TJAP1: variants seen among roughly 807,000 people sequenced by gnomAD.
The protein encoded by TJAP1 is tight junction-associated protein 1.
Under a neutral mutation model 42.0 loss-of-function variants are expected in TJAP1, and 27 were observed. The ratio of observed to expected loss-of-function variants is 0.64; its 90% CI spans 0.47 to 0.89. The LOEUF is 0.89. TJAP1 is among the 40% of genes least tolerant of loss of function. The probability of loss-of-function intolerance (pLI) is 0.00; values close to 1 mark genes in which losing one functional copy is unlikely to be tolerated. For synonymous variants in TJAP1, 257 were observed against 288.4 expected (o/e 0.89, Z 1.10); for missense variants, 712 against 726.9 (o/e 0.98, Z 0.24).
chr6:43,479,858 T>G (rs1191197529), intron 2 of TJAP1, among the ~76,000 whole-genome samples: 3 of 152,144 alleles, frequency 2.0e-5, no homozygotes, highest in African/African-American at 7.2e-5. Flanking sequence ...TAGTCCCAGC[T>G]ACTCAGGAGG....
intron 2 of TJAP1, among the ~76,000 whole-genome samples, chr6:43,485,369 A>G (rs1483351664): frequency 6.6e-6 from 1 of 152,198 alleles, no homozygotes; most frequent in African/African-American, 2.4e-5. Context: ...ATCATGATCC[A>G]TTCTTTGCTT....
At position 43,501,752 on chromosome 6, in the gene TJAP1, ACACACACT is replaced by A. The variant is rs1189986245; in HGVS notation, c.290+67_290+74del. ...CACACACACACACACACACACACAC[ACACACACT>A]CTCTCTGTCTCTCTCTCTCTCTGTG... On this transcript the variant is annotated intron_variant, in intron 6 of 10. Coordinates refer to ENST00000372449, the Ensembl canonical transcript of TJAP1. 1.1e-3 allele frequency: 666 copies of A among 596,378 alleles called. 6 individuals carry two copies. In the African/African-American group the frequency reaches 0.013, roughly 12 times the overall value. 36.9% of individuals were successfully genotyped at this position (596,378 alleles called of 1,614,324 possible). A position where few individuals can be genotyped will look rare whatever the true frequency, so the allele number is the denominator to read the frequency against.
chr6:43,499,413 T>C (rs1790001727), intron 4 of TJAP1, among the ~76,000 whole-genome samples: 1 of 152,242 alleles, frequency 6.6e-6, no homozygotes, highest in Non-Finnish European at 1.5e-5. Flanking sequence ...CTGCTAGTGG[T>C]TGGGACTCTG....
At chr6:43,503,638 G>T in exon 10 of TJAP1, 1 of 1,614,140 alleles carries the variant, frequency 6.2e-7, no homozygotes, top group Non-Finnish European at 8.5e-7. Context: ...GTACCGGCTG[G>T]ACTGCAACCT....
At chr6:43,502,069 C>T (rs895557684) in intron 6 of TJAP1, among the ~76,000 whole-genome samples, 135 of 134,660 alleles carry the variant, frequency 1.0e-3, no homozygotes, top group Non-Finnish European at 1.8e-3. Flanking sequence ...CACACACACA[C>T]ACACACACTC....
At chr6:43,506,286 T>G in exon 11 of TJAP1, 3 of 153,364 alleles carry the variant, frequency 2.0e-5, no homozygotes, top group Non-Finnish European at 4.4e-5. Context: ...ACCTGTTTGC[T>G]TCCCCCCCCA....
At position 43,478,915 on chromosome 6, in the gene TJAP1, A is replaced by G. The variant is rs890180920; in HGVS notation, c.-122+683A>G. 6.6e-5 allele frequency among the ~76,000 whole-genome samples: 10 copies of G among 152,346 alleles called. No individual in the cohort carries two copies. In the East Asian group the frequency reaches 1.7e-3, roughly 26 times the overall value. On this transcript the variant is annotated intron_variant, in intron 2 of 10. Transcript: ENST00000372449. ...TTGAGACCCCTAATATTTGAGAGCTACTTTACAGTTGGACAAGTGTGGTGA... is the reference window on the plus strand; with the variant it reads ...TTGAGACCCCTAATATTTGAGAGCTGCTTTACAGTTGGACAAGTGTGGTGA...
chr6:43,504,015 G>A (rs1791625101), intron 10 of TJAP1: 2 of 574,798 alleles, frequency 3.5e-6, no homozygotes, highest in Non-Finnish European at 6.7e-6. Context: ...AGAGGATTAG[G>A]CCCATCTGAT....
chr6:43,501,775 C>T lies in TJAP1; in HGVS notation c.290+88C>T, dbSNP rs569829005. 5.1e-5 allele frequency: 35 copies of T among 686,870 alleles called. 1 individual carries two copies. The highest frequency in any genetic ancestry group is 3.9e-4 in the Middle Eastern group (1 of 2,592). 42.5% of individuals were successfully genotyped at this position (686,870 alleles called of 1,614,324 possible). A position where few individuals can be genotyped will look rare whatever the true frequency, so the allele number is the denominator to read the frequency against. On this transcript the variant is annotated intron_variant, in intron 6 of 10. Transcript: ENST00000372449. Reference sequence around the variant, plus strand: ...ACACACACACTCTCTCTGTCTCTCTCTCTCTCTGTGTCTCTGTCTCTCTCC... The same window carrying T: ...ACACACACACTCTCTCTGTCTCTCTTTCTCTCTGTGTCTCTGTCTCTCTCC...
At chr6:43,499,175 T>C in intron 4 of TJAP1, 75 bp downstream of exon 4, 3 of 1,579,656 alleles carry the variant, frequency 1.9e-6, no homozygotes, top group South Asian at 2.3e-5. Context: ...TGACTTCTCC[T>C]GCCTGAGCTT....
At position 43,486,224 on chromosome 6, in the gene TJAP1, C is replaced by T. The variant is rs549201593; in HGVS notation, c.-122+7992C>T. Among the ~76,000 whole-genome samples, 7 of 152,146 alleles carry T rather than the reference C, an allele frequency of 4.6e-5. 1 individual carries two copies. In the South Asian group the frequency reaches 1.5e-3, roughly 32 times the overall value. ...AGGTGATCCGCCCACCTCGGTCTCC[C>T]AAAGTGCAGGGATTACAGACGTGAA... is the stretch of plus-strand genomic sequence containing the variant. On this transcript the variant is annotated intron_variant, in intron 2 of 10. Transcript: ENST00000372449.
At chr6:43,499,045 C>T (rs748828012) in exon 4 of TJAP1, 25 of 1,614,020 alleles carry the variant, frequency 1.5e-5, no homozygotes, top group Non-Finnish European at 2.0e-5. Context: ...CGTAAGGCAC[C>T]ACCAGAGCAT....
chr6:43,505,650 T>C lies in TJAP1; in HGVS notation c.1469T>C (p.Ile490Thr). The change falls in exon 11 of 11, where the codon ATC becomes ACC. Residue 490 changes from isoleucine (I) to threonine (T), a missense_variant. Physicochemically the swap from Ile to Thr is moderately conservative, Grantham distance 89. This residue lies in a region of TJAP1 where 549 missense variants were observed against 528.2 expected (regional missense o/e 1.04). Coordinates refer to ENST00000372449, the Ensembl canonical transcript of TJAP1. The surrounding 1 kb of genome is among the most constrained non-coding windows in gnomAD (Gnocchi z 5.5). ...GAGGAAGAAGAGCTGAACCTGCCTATCAGTCCTGAGGAAGAGCGCCAGAGC... is the reference window on the plus strand; with the variant it reads ...GAGGAAGAAGAGCTGAACCTGCCTACCAGTCCTGAGGAAGAGCGCCAGAGC... 6.2e-7 allele frequency: 1 copy of C among 1,613,220 alleles called. No individual in the cohort carries two copies. Among genetic ancestry groups the C allele is most frequent in the South Asian group, 1.1e-5 (1 of 91,088 alleles).
At chr6:43,484,071 A>C (rs1050939968) in intron 2 of TJAP1, among the ~76,000 whole-genome samples, 1 of 151,578 alleles carries the variant, frequency 6.6e-6, no homozygotes, top group East Asian at 2.0e-4. Flanking sequence ...AATCTCTAAA[A>C]AAATTAAAAA....
intron 2 of TJAP1, among the ~76,000 whole-genome samples, chr6:43,489,012 A>G (rs1450108532): frequency 6.6e-6 from 1 of 152,162 alleles, no homozygotes; most frequent in African/African-American, 2.4e-5. Flanking sequence ...AGGGCTTCCT[A>G]GAACAGGAGA....
chr6:43,505,187 G>C lies in TJAP1; in HGVS notation c.1006G>C (p.Glu336Gln). 6.2e-7 allele frequency: 1 copy of C among 1,614,192 alleles called. No homozygotes were observed. Reference sequence around the variant, plus strand: ...TGGCCGCAGGGTAATAGAGTTCTCTGAGGATAAGGTTCGGATCCCCCGCAA... The same window carrying C: ...TGGCCGCAGGGTAATAGAGTTCTCTCAGGATAAGGTTCGGATCCCCCGCAA... The change falls in exon 11 of 11, where the codon GAG becomes CAG. Residue 336 changes from glutamate (E) to glutamine (Q), a missense_variant. Physicochemically the swap from Glu to Gln is conservative, Grantham distance 29. Coordinates refer to ENST00000372449, the Ensembl canonical transcript of TJAP1. The surrounding 1 kb of genome is among the most constrained non-coding windows in gnomAD (Gnocchi z 5.5).
At chr6:43,499,154 G>A in intron 4 of TJAP1, 54 bp downstream of exon 4, 1 of 1,602,834 alleles carries the variant, frequency 6.2e-7, no homozygotes, top group Non-Finnish European at 8.5e-7. Context: ...CCCTGAGGCT[G>A]GGTGTCTGGC....
rs1380785173 is a variant in TJAP1 at position 43,495,753 on chromosome 6, G to A, written c.-121-2128G>A. 6.6e-6 allele frequency among the ~76,000 whole-genome samples: 1 copy of A among 152,162 alleles called. No homozygotes were observed. The highest frequency in any genetic ancestry group is 1.5e-5 in the Non-Finnish European group (1 of 68,022). On this transcript the variant is annotated intron_variant, in intron 2 of 10. Transcript: ENST00000372449. The surrounding 1 kb of genome is among the most constrained non-coding windows in gnomAD (Gnocchi z 4.6). ...TACTCCTTGCCTAGCAAGCCAGATC[G>A]CCTCTGGCCATGGAAGCCCTGGGGA...
At chr6:43,479,906 GTTGCAGTGAGCTGAGA>G (rs1784960803) in intron 2 of TJAP1, among the ~76,000 whole-genome samples, 1 of 152,004 alleles carries the variant, frequency 6.6e-6, no homozygotes. Flanking sequence ...GGTGGTGGAG[GTTGCAGTGAGCTGAGA>G]TTGCACCACT....
Sources: allele counts gnomAD v4.1 joint callset (sites outside exome capture counted in the v4.1 genomes callset), GRCh38; gene constraint gnomAD v4.1.1; regional missense constraint gnomAD v4.1.1; non-coding constraint Gnocchi (gnomAD v3.1); transcripts MANE v1.5; gene names NCBI Gene and HGNC (gene_info 2026-07-23, HGNC 2026-07-21).